CMTM8: variants seen among roughly 807,000 people sequenced by gnomAD.
CMTM8 encodes CKLF like MARVEL transmembrane domain containing 8.
A neutral mutation model predicts 18.6 loss-of-function variants in CMTM8; 12 were observed. The observed-to-expected ratio is 0.65, with a 90% confidence interval of 0.41 to 1.05. The LOEUF (loss-of-function observed/expected upper bound fraction) is 1.05. Among genes scored for constraint, CMTM8 ranks in the 50% least tolerant of loss-of-function variants. The pLI, the probability that CMTM8 is intolerant of heterozygous loss-of-function variation, is 0.00. For synonymous variants in CMTM8, 87 were observed against 90.6 expected, an observed-to-expected ratio of 0.96 and a Z score of 0.23; for missense variants, 217 against 227.2, an observed-to-expected ratio of 0.95 and a Z score of 0.29.
chr3:32,301,639 C>A (rs1449781094), intron 1 of CMTM8, among the ~76,000 whole-genome samples: 1 of 151,416 alleles, frequency 6.6e-6, no homozygotes, highest in East Asian at 1.9e-4. Flanking sequence ...ATCCCGGCAT[C>A]GGTGACATTG....
chr3:32,299,730 A>G (rs1428105721), intron 1 of CMTM8, among the ~76,000 whole-genome samples: 2 of 152,222 alleles, frequency 1.3e-5, no homozygotes, highest in Non-Finnish European at 1.5e-5. Context: ...GTTCAGGAAG[A>G]TGACTGAGTG....
chr3:32,308,142 G>C (rs572363269), intron 1 of CMTM8, among the ~76,000 whole-genome samples: 1 of 151,772 alleles, frequency 6.6e-6, no homozygotes, highest in South Asian at 2.1e-4. Context: ...CAGGATGAAA[G>C]AGTCACACCT....
intron 1 of CMTM8, among the ~76,000 whole-genome samples, chr3:32,335,802 T>C (rs1363174023): frequency 6.6e-6 from 1 of 152,190 alleles, no homozygotes; most frequent in Admixed American, 6.5e-5. Flanking sequence ...CTAAAGGGCA[T>C]GTATGTCTGC....
At chr3:32,304,790 C>A (rs1695690022) in intron 1 of CMTM8, among the ~76,000 whole-genome samples, 1 of 152,184 alleles carries the variant, frequency 6.6e-6, no homozygotes, top group African/African-American at 2.4e-5. Flanking sequence ...TTTAGCAGGT[C>A]CAGCTAGATA....
intron 3 of CMTM8, among the ~76,000 whole-genome samples, chr3:32,369,626 G>A (rs13317333): frequency 0.031 from 4,718 of 152,246 alleles, 93 homozygotes; most frequent in African/African-American, 0.062. Flanking sequence ...ATGCACTGCC[G>A]CCGTATTCAC....
upstream of CMTM8, chr3:32,238,420 G>A (rs1701895446): frequency 6.6e-6 from 1 of 152,384 alleles, no homozygotes; most frequent in African/African-American, 2.4e-5. Flanking sequence ...ACAGGCTGCG[G>A]GCCTGGGCCA....
intron 1 of CMTM8, among the ~76,000 whole-genome samples, chr3:32,320,494 G>C (rs925934464): frequency 6.6e-6 from 1 of 152,178 alleles, no homozygotes; most frequent in Admixed American, 6.5e-5. Context: ...AGAGAATGGG[G>C]AACAGCTGCT....
At chr3:32,318,782 T>C (rs988951919) in intron 1 of CMTM8, among the ~76,000 whole-genome samples, 6 of 151,112 alleles carry the variant, frequency 4.0e-5, no homozygotes, top group African/African-American at 1.5e-4. Context: ...TTAGCCAGGA[T>C]GGTCTCGATC....
chr3:32,257,125 G>A (rs1402477075), intron 1 of CMTM8, among the ~76,000 whole-genome samples: 1 of 152,172 alleles, frequency 6.6e-6, no homozygotes, highest in African/African-American at 2.4e-5. Flanking sequence ...TTACAGGCAT[G>A]GCCACTATGC....
intron 1 of CMTM8, among the ~76,000 whole-genome samples, chr3:32,281,254 C>T (rs1364879680): frequency 6.6e-6 from 1 of 152,168 alleles, no homozygotes; most frequent in Non-Finnish European, 1.5e-5. Context: ...ATTTCTCTTA[C>T]CCATCAAAAG....
intron 1 of CMTM8, among the ~76,000 whole-genome samples, chr3:32,302,406 A>G (rs754943587): frequency 6.6e-5 from 10 of 152,234 alleles, no homozygotes; most frequent in Admixed American, 1.3e-4. Context: ...CTGCCTCTGT[A>G]TGCTGTTCAG....
intron 1 of CMTM8, among the ~76,000 whole-genome samples, chr3:32,271,262 G>A (rs1702435565): frequency 6.6e-6 from 1 of 152,188 alleles, no homozygotes; most frequent in Non-Finnish European, 1.5e-5. Context: ...GAGTAGCTGG[G>A]ATTATAGGCA....
At chr3:32,305,271 C>T (rs887224277) in intron 1 of CMTM8, among the ~76,000 whole-genome samples, 1 of 145,520 alleles carries the variant, frequency 6.9e-6, no homozygotes, top group Non-Finnish European at 1.5e-5. Flanking sequence ...CGCTCTGTCA[C>T]CCAGGCTGGA....
intron 2 of CMTM8, among the ~76,000 whole-genome samples, chr3:32,361,063 C>T (rs1696914453): frequency 6.6e-6 from 1 of 152,232 alleles, no homozygotes; most frequent in Non-Finnish European, 1.5e-5. Context: ...CTCACTGCAA[C>T]TTCCACCTCC....
chr3:32,360,233 A>T (rs1295120214), intron 2 of CMTM8, among the ~76,000 whole-genome samples: 2 of 152,172 alleles, frequency 1.3e-5, no homozygotes, highest in Non-Finnish European at 2.9e-5. Flanking sequence ...TTCACAAATA[A>T]ATAAGCTGGA....
intron 1 of CMTM8, among the ~76,000 whole-genome samples, chr3:32,350,505 G>A (rs550783874): frequency 2.8e-5 from 4 of 144,308 alleles, no homozygotes; most frequent in East Asian, 2.1e-4. Context: ...TTACAGGTGC[G>A]TGCCACCAGG....
intron 1 of CMTM8, among the ~76,000 whole-genome samples, chr3:32,247,462 G>A (rs761174631): frequency 7.9e-5 from 12 of 151,928 alleles, no homozygotes; most frequent in South Asian, 6.2e-4. Context: ...ACAGGCGTGC[G>A]CCACCACACC....
intron 1 of CMTM8, among the ~76,000 whole-genome samples, chr3:32,344,243 C>T (rs6782595): frequency 0.05 from 7,558 of 152,236 alleles, 229 homozygotes; most frequent in African/African-American, 0.062. Flanking sequence ...CAATGCAAAT[C>T]CCCTGAGCTA....
intron 1 of CMTM8, among the ~76,000 whole-genome samples, chr3:32,348,426 A>G (rs1696642857): frequency 6.6e-6 from 1 of 151,930 alleles, no homozygotes; most frequent in South Asian, 2.1e-4. Context: ...TTTATGTAGA[A>G]ATTCACATCC....
Sources: gnomAD v4.1 joint callset for allele counts (sites outside exome capture counted in the v4.1 genomes callset) on GRCh38, gnomAD v4.1.1 for gene constraint, MANE v1.5 for transcripts, NCBI Gene and HGNC (gene_info 2026-07-23, HGNC 2026-07-21) for gene names.